Variants in SLC26A3 observed in about 807,000 individuals in gnomAD.
SLC26A3 encodes solute carrier family 26 member 3.
SLC26A3 carries 64 observed loss-of-function variants against 85.6 expected under a neutral mutation model. The observed-to-expected ratio is 0.75, with a 90% CI of 0.61 to 0.92. The LOEUF is 0.92. Among genes scored for constraint, SLC26A3 ranks in the 40% least tolerant of loss-of-function variants. The pLI, the probability that SLC26A3 is intolerant of heterozygous loss-of-function variation, is 0.00. For synonymous variants in SLC26A3, 349 were observed against 336.0 expected (o/e 1.04, Z -0.42); for missense variants, 922 against 927.3 (o/e 0.99, Z 0.07).
At chr7:107,797,896 T>G (rs570647262) in intron 1 of SLC26A3, among the ~76,000 whole-genome samples, 1 of 152,180 alleles carries the variant, frequency 6.6e-6, no homozygotes, top group South Asian at 2.1e-4. Context: ...GGAAAACACT[T>G]TTTTCTGGTT....
intron 18 of SLC26A3, among the ~76,000 whole-genome samples, chr7:107,770,200 T>A (rs1794004347): frequency 4.2e-4 from 4 of 9,496 alleles, no homozygotes; most frequent in Non-Finnish European, 9.0e-4. Flanking sequence ...AAAGGGGTTT[T>A]TTTTTTTTTT....
chr7:107,778,360 CTTTTT>C (rs10681903), intron 12 of SLC26A3, 79 bp from the exon 13 acceptor site: 37 of 464,864 alleles, frequency 8.0e-5, no homozygotes, highest in Admixed American at 1.0e-4. Context: ...TTTAAAAAGA[CTTTTT>C]TTTTTTTTTT....
chr7:107,792,560 G>T (rs1794421174), intron 3 of SLC26A3, among the ~76,000 whole-genome samples: 1 of 152,094 alleles, frequency 6.6e-6, no homozygotes, highest in East Asian at 1.9e-4. Context: ...AGGAGGTGGA[G>T]CTCAGGAGGT....
At chr7:107,785,378 C>T (rs1436207459) in intron 8 of SLC26A3, among the ~76,000 whole-genome samples, 1 of 152,174 alleles carries the variant, frequency 6.6e-6, no homozygotes, top group African/African-American at 2.4e-5. Flanking sequence ...CTCTATTGAA[C>T]GTAATGGTTA....
chr7:107,787,632 T>G, intron 6 of SLC26A3, 123 bp from the exon 7 acceptor site: 1 of 806,318 alleles, frequency 1.2e-6, no homozygotes, highest in South Asian at 1.6e-5. Flanking sequence ...TGATAGTGAT[T>G]TCCTGTATTG....
At position 107,783,349 on chromosome 7, in the gene SLC26A3, A is replaced by C. The variant is rs1794242158; in HGVS notation, c.975T>G (p.Phe325Leu). The change falls in exon 9 of 21, where the codon TTT (phenylalanine) becomes TTG (leucine). Residue 325 changes from phenylalanine (F) to leucine (L), a missense_variant. Coordinates refer to ENST00000340010, the MANE Select transcript of SLC26A3 (RefSeq NM_000111.3). ...CCACGTCAGGTGTAATAGGGGGCTG[A>C]AATCTAAAATTGAAATTAAGCAAGT... The part of the protein sequence containing the change: ...VAVVGDMNPG[F>L]QPPITPDVET... The C allele has an allele frequency of 6.2e-7, 1 of 1,614,074 alleles. No individual in the cohort carries two copies. The highest frequency in any genetic ancestry group is 1.1e-5 in the South Asian group (1 of 91,092).
chr7:107,776,216 G>C, intron 15 of SLC26A3: 1 of 533,306 alleles, frequency 1.9e-6, no homozygotes, highest in Non-Finnish European at 3.3e-6. Context: ...ATCAGAATTT[G>C]AGAAAAGGAT....
At position 107,774,803 on chromosome 7, in the gene SLC26A3, T is replaced by C. The variant is rs948048810; in HGVS notation, c.1747A>G (p.Lys583Glu). 6.2e-7 allele frequency: 1 copy of C among 1,614,118 alleles called. No homozygotes were observed. Among genetic ancestry groups the C allele is most frequent in the Non-Finnish European group, 8.5e-7 (1 of 1,179,958 alleles). Reference protein sequence around the residue: ...KALRKIRKLQKQGLLQVTPKG... With the variant: ...KALRKIRKLQEQGLLQVTPKG... ...GGTGTCACTTGTAGCAAGCCTTGCT[T>C]CTGCAGTTTTCGGATTTTCCTCAAA... The change falls in exon 16 of 21, where the codon AAG becomes GAG. Residue 583 changes from lysine (K) to glutamate (E), a missense_variant. Transcript: ENST00000340010.
intron 17 of SLC26A3, among the ~76,000 whole-genome samples, chr7:107,772,760 ATG>A (rs142656843): frequency 2.0e-5 from 3 of 151,316 alleles, no homozygotes; most frequent in Admixed American, 6.6e-5. Flanking sequence ...CAAAAAATAA[ATG>A]TGTGTGTGTG....
Position 107,776,558 on chromosome 7 carries a change from A to C in SLC26A3, c.1585-14T>G. The C allele has an allele frequency of 6.2e-7, 1 of 1,612,088 alleles. No homozygotes were observed. Among genetic ancestry groups the C allele is most frequent in the Middle Eastern group, 1.7e-4 (1 of 6,054 alleles). On this transcript the variant is annotated splice_polypyrimidine_tract_variant and intron_variant, in intron 14 of 20. Coordinates refer to ENST00000340010, the MANE Select transcript of SLC26A3 (RefSeq NM_000111.3). ...TGGCTCATACATCTGTAAGGCAGAG[A>C]AGCATTGTTAGGTGTTGCCCATTAG...
Position 107,774,882 on chromosome 7 carries a change from C to T in SLC26A3, c.1678-10G>A, listed in dbSNP as rs1270064366. On this transcript the variant is annotated splice_polypyrimidine_tract_variant and intron_variant, in intron 15 of 20. Coordinates refer to ENST00000340010, the MANE Select transcript of SLC26A3 (RefSeq NM_000111.3). ...GTGGACTAAAGCCAACCTGAGAAAC[C>T]CATTGCTGTGTTACAAGAGTACTGA... is the stretch of plus-strand genomic sequence containing the variant. 22 of 1,607,430 alleles carry T rather than the reference C, an allele frequency of 1.4e-5. No individual in the cohort carries two copies. Among genetic ancestry groups the T allele is most frequent in the Non-Finnish European group, 1.9e-5 (22 of 1,174,078 alleles).
At chr7:107,801,550 G>C (rs1018288856) in intron 1 of SLC26A3, among the ~76,000 whole-genome samples, 4 of 152,186 alleles carry the variant, frequency 2.6e-5, no homozygotes, top group African/African-American at 9.6e-5. Flanking sequence ...TTGTAGAGAA[G>C]CACCAGACTG....
At position 107,790,841 on chromosome 7, in the gene SLC26A3, C is replaced by T. The variant is rs555189102; in HGVS notation, c.570+207G>A. Among the ~76,000 whole-genome samples, 162 of 152,284 alleles carry T rather than the reference C, an allele frequency of 1.1e-3. 1 individual carries two copies. Among genetic ancestry groups the T allele is most frequent in the African/African-American group, 3.8e-3 (156 of 41,552 alleles). On this transcript the variant is annotated intron_variant, in intron 5 of 20. Coordinates refer to ENST00000340010, the MANE Select transcript of SLC26A3 (RefSeq NM_000111.3). Reference sequence around the variant, plus strand: ...CCCTTCTTCCTTCTGTCTAGACCCACATTCATTCGTTTTTGTACTGTTGAC... The same window carrying T: ...CCCTTCTTCCTTCTGTCTAGACCCATATTCATTCGTTTTTGTACTGTTGAC...
At chr7:107,793,903 G>C (rs1192556230) in intron 2 of SLC26A3, 22 bp from the exon 3 acceptor site, 10 of 1,613,774 alleles carry the variant, frequency 6.2e-6, no homozygotes, top group Non-Finnish European at 8.5e-6. Context: ...GAAAGCCACA[G>C]GTCAGTCAAT....
chr7:107,774,581 T>C (rs1166571502), intron 16 of SLC26A3, among the ~76,000 whole-genome samples, 196 bp downstream of exon 16: 1 of 152,134 alleles, frequency 6.6e-6, no homozygotes, highest in Non-Finnish European at 1.5e-5. Context: ...TGGACAATTG[T>C]GTTTGGTACT....
At chr7:107,768,031 T>G in intron 18 of SLC26A3, 123 bp from the exon 19 acceptor site, 1 of 852,826 alleles carries the variant, frequency 1.2e-6, no homozygotes, top group South Asian at 1.5e-5. Context: ...TGGTTAAGTG[T>G]GTGTGGGTTG....
In SLC26A3 at chr7:107,790,849, C is replaced by T. The variant is rs193105890; in HGVS notation, c.570+199G>A. Among the ~76,000 whole-genome samples the T allele has an allele frequency of 2.2e-4, 33 of 152,222 alleles. No individual in the cohort carries two copies. In the East Asian group the frequency reaches 5.2e-3, roughly 24 times the overall value. On this transcript the variant is annotated intron_variant, in intron 5 of 20. Coordinates refer to ENST00000340010, the MANE Select transcript of SLC26A3 (RefSeq NM_000111.3). ...CCTTCTGTCTAGACCCACATTCATT[C>T]GTTTTTGTACTGTTGACCCACTCCT... is the stretch of plus-strand genomic sequence containing the variant.
In SLC26A3 at chr7:107,794,568, T is replaced by C. The variant is rs1794463993; in HGVS notation, c.-59A>G. 4 of 1,601,940 alleles carry C rather than the reference T, an allele frequency of 2.5e-6. No individual in the cohort carries two copies. Among genetic ancestry groups the C allele is most frequent in the Non-Finnish European group, 3.4e-6 (4 of 1,169,344 alleles). ...ACCTTTGCAACTATGTGGTGAACAC[T>C]TCTTCTTGCCTTTAGCAGGTTAAAA... On this transcript the variant is annotated 5_prime_UTR_variant, in exon 2 of 21. Transcript: ENST00000340010.
Position 107,776,554 on chromosome 7 carries a change from A to G in SLC26A3, c.1585-10T>C. 6.2e-7 allele frequency: 1 copy of G among 1,612,838 alleles called. No individual in the cohort carries two copies. Among genetic ancestry groups the G allele is most frequent in the Non-Finnish European group, 8.5e-7 (1 of 1,178,770 alleles). On this transcript the variant is annotated splice_polypyrimidine_tract_variant and intron_variant, in intron 14 of 20. Coordinates refer to ENST00000340010, the MANE Select transcript of SLC26A3 (RefSeq NM_000111.3). Reference sequence around the variant, plus strand: ...CTTCTGGCTCATACATCTGTAAGGCAGAGAAGCATTGTTAGGTGTTGCCCA... The same window carrying G: ...CTTCTGGCTCATACATCTGTAAGGCGGAGAAGCATTGTTAGGTGTTGCCCA...
Sources: allele counts gnomAD v4.1 joint callset (sites outside exome capture counted in the v4.1 genomes callset), GRCh38; gene constraint gnomAD v4.1.1; transcripts MANE v1.5; gene names NCBI Gene and HGNC (gene_info 2026-07-23, HGNC 2026-07-21).